Variants in PLPP4 observed in about 807,000 individuals in gnomAD.
PLPP4 encodes diacylglycerol pyrophosphate like 2.
A neutral mutation model predicts 32.2 loss-of-function variants in PLPP4; 20 were observed. The ratio of observed to expected loss-of-function variants is 0.62; its 90% CI spans 0.44 to 0.90. The LOEUF (loss-of-function observed/expected upper bound fraction) is 0.90. PLPP4 is among the 40% of genes least tolerant of loss of function. The probability of loss-of-function intolerance (pLI) is 0.00; values close to 1 mark genes in which losing one functional copy is unlikely to be tolerated. For missense variants in PLPP4, 257 were observed against 353.1 expected (o/e 0.73, Z 2.18); for synonymous variants, 127 against 133.0 (o/e 0.95, Z 0.31).
intron 1 of PLPP4, among the ~76,000 whole-genome samples, chr10:120,485,351 C>T (rs1325803735): frequency 6.6e-6 from 1 of 152,244 alleles, no homozygotes; most frequent in Non-Finnish European, 1.5e-5. Context: ...TGCTCAGGAG[C>T]TGAGCCTCTG....
chr10:120,546,673 T>G (rs1847640014), intron 5 of PLPP4, among the ~76,000 whole-genome samples: 1 of 152,148 alleles, frequency 6.6e-6, no homozygotes, highest in Non-Finnish European at 1.5e-5. Flanking sequence ...CTCTTCCCTA[T>G]AGCCTACCCT....
chr10:120,458,508 C>T (rs1847893342), intron 1 of PLPP4, among the ~76,000 whole-genome samples: 1 of 152,080 alleles, frequency 6.6e-6, no homozygotes, highest in Non-Finnish European at 1.5e-5. Context: ...TTCTGGGCAG[C>T]CCAGGGGATA....
intron 1 of PLPP4, among the ~76,000 whole-genome samples, chr10:120,459,218 G>A (rs144492575): frequency 1.6e-4 from 25 of 152,310 alleles, no homozygotes; most frequent in Non-Finnish European, 3.1e-4. Context: ...GTTCCCTCTT[G>A]TGTTACTTAA....
In PLPP4 at chr10:120,457,276, T is replaced by G; in HGVS notation, c.-30T>G. On this transcript the variant is annotated 5_prime_UTR_variant, in exon 1 of 7. Coordinates refer to ENST00000398250, the MANE Select transcript of PLPP4 (RefSeq NM_001030059.3). ...TGCGGGAGCCGCGGAGAGCACCAGC[T>G]GACGCCGCGGGAGCTGCTCCGGCCG... 5 of 1,471,396 alleles carry G rather than the reference T, an allele frequency of 3.4e-6. No individual in the cohort carries two copies. Among genetic ancestry groups the G allele is most frequent in the Non-Finnish European group, 1.8e-6 (2 of 1,104,500 alleles). The allele number at this position is 1,471,396 out of a possible 1,614,324, so 91.1% of individuals were successfully genotyped here.
intron 2 of PLPP4, among the ~76,000 whole-genome samples, chr10:120,506,530 G>A (rs899050402): frequency 6.6e-6 from 1 of 152,118 alleles, no homozygotes; most frequent in Non-Finnish European, 1.5e-5. Context: ...AATTCTTGGG[G>A]TCTCCTTTAA....
At chr10:120,581,343 C>T in intron 6 of PLPP4, 1 of 977,318 alleles carries the variant, frequency 1.0e-6, no homozygotes, top group Non-Finnish European at 1.2e-6. Context: ...GTCTAGTGAT[C>T]CTCAGTTGTT....
chr10:120,573,541 T>C (rs978528166), intron 5 of PLPP4, among the ~76,000 whole-genome samples: 1 of 152,222 alleles, frequency 6.6e-6, no homozygotes, highest in Non-Finnish European at 1.5e-5. Flanking sequence ...TGTTACATAA[T>C]CATGTGGTTT....
At chr10:120,512,960 C>G (rs1845791467) in intron 2 of PLPP4, among the ~76,000 whole-genome samples, 1 of 152,172 alleles carries the variant, frequency 6.6e-6, no homozygotes, top group African/African-American at 2.4e-5. Context: ...CAGTTACACC[C>G]CAGCCCTCCC....
Position 120,519,684 on chromosome 10 carries a change from GA to G in PLPP4, c.320+789del, listed in dbSNP as rs370169209. Among the ~76,000 whole-genome samples, 1,516 of 152,274 alleles carry G rather than the reference GA, an allele frequency of 1.0e-2. 15 individuals carry two copies. Among genetic ancestry groups the G allele is most frequent in the Non-Finnish European group, 0.016 (1,072 of 68,026 alleles). On this transcript the variant is annotated intron_variant, in intron 4 of 6. Transcript: ENST00000398250. ...AGAAACAGTGGCTGAGTACCAGAGA[GA>G]CAGTACCCCAGCTGTTCTGGTAGAC... is the stretch of plus-strand genomic sequence containing the variant.
chr10:120,530,002 A>C (rs1338771780), intron 5 of PLPP4, among the ~76,000 whole-genome samples: 5 of 152,170 alleles, frequency 3.3e-5, no homozygotes, highest in Non-Finnish European at 5.9e-5. Context: ...TTTATTATAC[A>C]ACATTTCAGG....
At chr10:120,519,819 C>T (rs114583160) in intron 4 of PLPP4, among the ~76,000 whole-genome samples, 8,231 of 152,212 alleles carry the variant, frequency 0.054, 345 homozygotes, top group African/African-American at 0.11. Flanking sequence ...AAACTTCACC[C>T]GTGGTAGGTG....
intron 6 of PLPP4, among the ~76,000 whole-genome samples, chr10:120,579,307 A>G (rs994812238): frequency 2.0e-5 from 3 of 152,178 alleles, no homozygotes; most frequent in Non-Finnish European, 4.4e-5. Flanking sequence ...TAATCTAGGG[A>G]AACAGGTCTC....
chr10:120,477,366 T>TA (rs74603489), intron 1 of PLPP4, among the ~76,000 whole-genome samples: 10,359 of 140,060 alleles, frequency 0.074, 379 homozygotes, highest in East Asian at 0.13. Flanking sequence ...TATTTCAAGT[T>TA]AAAAAAAAAA....
Position 120,513,966 on chromosome 10 carries a change from G to A in PLPP4, c.221G>A (p.Arg74Gln), listed in dbSNP as rs760057301. 1.4e-5 allele frequency: 22 copies of A among 1,613,768 alleles called. No individual in the cohort carries two copies. Among genetic ancestry groups the A allele is most frequent in the East Asian group, 1.1e-4 (5 of 44,894 alleles). The change falls in exon 3 of 7, where the codon CGA becomes CAA. Residue 74 changes from arginine to glutamine, a missense_variant. By Grantham distance (43) the Arg-to-Gln change is conservative. Transcript: ENST00000398250. The part of the protein sequence containing the change: ...AVICVVKIIR[R>Q]TDKTEIKEAF... Reference sequence around the variant, plus strand: ...ATTTGTGTGGTGAAAATTATCCGGCGAACAGACAAGACTGAAATTAAGGAA... The same window carrying A: ...ATTTGTGTGGTGAAAATTATCCGGCAAACAGACAAGACTGAAATTAAGGAA...
intron 2 of PLPP4, among the ~76,000 whole-genome samples, chr10:120,504,481 A>G (rs1845405310): frequency 6.6e-6 from 1 of 152,252 alleles, no homozygotes; most frequent in Admixed American, 6.5e-5. Context: ...ATAAGCTATA[A>G]GCTAAGATTT....
chr10:120,499,210 C>A (rs1845118721), intron 1 of PLPP4, among the ~76,000 whole-genome samples: 1 of 152,182 alleles, frequency 6.6e-6, no homozygotes, highest in South Asian at 2.1e-4. Context: ...CTGACACTTG[C>A]AAGCTACTAA....
chr10:120,552,166 GT>G (rs1385986271), intron 5 of PLPP4, among the ~76,000 whole-genome samples: 22 of 1,340 alleles, frequency 0.016, no homozygotes, highest in Admixed American at 0.043. Flanking sequence ...TGGTGGTGGG[GT>G]GTGTGTGTGT....
At chr10:120,465,334 G>T (rs1848262796) in intron 1 of PLPP4, among the ~76,000 whole-genome samples, 1 of 152,208 alleles carries the variant, frequency 6.6e-6, no homozygotes, top group Non-Finnish European at 1.5e-5. Flanking sequence ...GGTTTGGGAT[G>T]CCTGGGGCGA....
At chr10:120,502,068 G>T (rs533418160) in intron 1 of PLPP4, among the ~76,000 whole-genome samples, 5 of 152,284 alleles carry the variant, frequency 3.3e-5, no homozygotes, top group Middle Eastern at 3.4e-3. Context: ...TAGCAGAAGT[G>T]ACTTGCACCC....
Sources: gnomAD v4.1 joint callset for allele counts (sites outside exome capture counted in the v4.1 genomes callset) on GRCh38, gnomAD v4.1.1 for gene constraint, MANE v1.5 for transcripts, NCBI Gene and HGNC (gene_info 2026-07-23, HGNC 2026-07-21) for gene names.